Variants in CHD5 observed in about 807,000 individuals in gnomAD.
CHD5 encodes ATP-dependent chromatin remodeler CHD5.
A neutral mutation model predicts 230.3 loss-of-function variants in CHD5; 69 were observed. The observed-to-expected ratio is 0.30, with a 90% CI of 0.25 to 0.37. The LOEUF (loss-of-function observed/expected upper bound fraction) is 0.37, where lower values mean the gene tolerates loss of function less well. CHD5 is among the 10% of genes least tolerant of loss of function. The probability of loss-of-function intolerance (pLI) is 1.00; values close to 1 mark genes in which losing one functional copy is unlikely to be tolerated. For synonymous variants in CHD5, 1,064 were observed against 1,065.9 expected (o/e 1.00, Z 0.03); for missense variants, 1,827 against 2,622.8 (o/e 0.70, Z 6.63).
At chr1:6,175,707 T>TGGATGGATGGATGGAC (rs1354983511) in intron 1 of CHD5, among the ~76,000 whole-genome samples, 1 of 151,284 alleles carries the variant, frequency 6.6e-6, no homozygotes, top group African/African-American at 2.4e-5. Context: ...GATGGATGGA[T>TGGATGGATGGATGGAC]GGACGGACGG....
intron 2 of CHD5, among the ~76,000 whole-genome samples, chr1:6,165,474 G>A (rs922791498): frequency 6.6e-6 from 1 of 152,184 alleles, no homozygotes; most frequent in African/African-American, 2.4e-5. Flanking sequence ...TAAGTCAGAG[G>A]AGGTGGGCAG....
intron 2 of CHD5, among the ~76,000 whole-genome samples, chr1:6,161,159 G>A (rs1337738356): frequency 6.6e-6 from 1 of 151,896 alleles, no homozygotes; most frequent in African/African-American, 2.4e-5. Flanking sequence ...GTGGCAGAAG[G>A]AAAGAGAATG....
At chr1:6,162,724 G>C (rs993009280) in intron 2 of CHD5, among the ~76,000 whole-genome samples, 1 of 152,204 alleles carries the variant, frequency 6.6e-6, no homozygotes. Flanking sequence ...CAGCCAGGAC[G>C]ACAAGCTGGA....
intron 33 of CHD5, among the ~76,000 whole-genome samples, chr1:6,118,854 C>T (rs971289745): frequency 2.0e-5 from 3 of 151,854 alleles, no homozygotes; most frequent in East Asian, 3.9e-4. Flanking sequence ...CCCACCACCA[C>T]GCCCAGCTGA....
intron 2 of CHD5, among the ~76,000 whole-genome samples, chr1:6,162,121 C>T (rs1456246041): frequency 6.6e-6 from 1 of 152,194 alleles, no homozygotes; most frequent in Non-Finnish European, 1.5e-5. Flanking sequence ...GTGACTCACG[C>T]TTGAAATCCC....
intron 31 of CHD5, among the ~76,000 whole-genome samples, chr1:6,122,035 G>A (rs930972284): frequency 3.9e-5 from 6 of 152,244 alleles, no homozygotes; most frequent in Non-Finnish European, 7.3e-5. Context: ...CCCGGGAGGT[G>A]GGCACAGCCG....
rs972305793 is a variant in CHD5 at position 6,130,473 on chromosome 1, G to A, written c.3263-145C>T. The A allele has an allele frequency of 1.3e-5, 10 of 779,132 alleles. No individual in the cohort carries two copies. The African/African-American group carries it at 1.6e-4, about 12-fold the overall frequency. 48.3% of individuals were successfully genotyped at this position (779,132 alleles called of 1,614,324 possible). ...CAAAGCCGGAGACCCCATCAGAGAC[G>A]GGTGGCCACAGCTGCACTCAGGGGA... On this transcript the variant is annotated intron_variant, in intron 21 of 41. Transcript: ENST00000262450. This position sits in a 1 kb window ranked among gnomAD's most constrained non-coding sequence, Gnocchi z 4.9.
In CHD5 at chr1:6,104,062, G is replaced by C. The variant is rs997493412; in HGVS notation, c.*1412C>G. Reference sequence around the variant, plus strand: ...AGGCACCTTCCCTGGGAAGGTCCCAGTACAAGACTCAGAAACGCCTTCCAG... The same window carrying C: ...AGGCACCTTCCCTGGGAAGGTCCCACTACAAGACTCAGAAACGCCTTCCAG... On this transcript the variant is annotated 3_prime_UTR_variant, in exon 42 of 42. Transcript: ENST00000262450. 6.6e-6 allele frequency: 1 copy of C among 152,124 alleles called. No individual in the cohort carries two copies. The highest frequency in any genetic ancestry group is 2.1e-4 in the South Asian group (1 of 4,822). 9.4% of individuals were successfully genotyped at this position (152,124 alleles called of 1,614,324 possible). A position where few individuals can be genotyped will look rare whatever the true frequency, so the allele number is the denominator to read the frequency against.
At chr1:6,163,467 C>T (rs1667208781) in intron 2 of CHD5, among the ~76,000 whole-genome samples, 1 of 152,196 alleles carries the variant, frequency 6.6e-6, no homozygotes, top group Non-Finnish European at 1.5e-5. Context: ...GGTGGGGGTG[C>T]AGGGCAGAAC....
Position 6,134,605 on chromosome 1 carries a change from G to T in CHD5, c.3012+113C>A. 2 of 1,156,564 alleles carry T rather than the reference G, an allele frequency of 1.7e-6. No homozygotes were observed. The highest frequency in any genetic ancestry group is 2.6e-6 in the Non-Finnish European group (2 of 784,096). 71.6% of individuals were successfully genotyped at this position (1,156,564 alleles called of 1,614,324 possible). On this transcript the variant is annotated intron_variant, in intron 19 of 41. Transcript: ENST00000262450. This position sits in a 1 kb window ranked among gnomAD's most constrained non-coding sequence, Gnocchi z 6.3. ...ACCTACCATGACAGCCACAGAAATC[G>T]CCACAATGGCCAGGAGAACCTATCA... is the stretch of plus-strand genomic sequence containing the variant.
intron 2 of CHD5, 62 bp downstream of exon 2, chr1:6,168,088 C>T (rs1279800077): frequency 1.4e-5 from 21 of 1,538,228 alleles, no homozygotes; most frequent in Admixed American, 1.9e-5. Context: ...CCTCTGCGGC[C>T]GGGCAGATGC....
intron 31 of CHD5, among the ~76,000 whole-genome samples, chr1:6,123,736 T>C (rs902188253): frequency 9.2e-5 from 14 of 152,140 alleles, no homozygotes; most frequent in African/African-American, 2.9e-4. Flanking sequence ...GCCAGTTTTT[T>C]AAAAGAGTGA....
chr1:6,152,647 A>G (rs981783174), intron 5 of CHD5, 111 bp from the exon 6 acceptor site: 3 of 1,536,740 alleles, frequency 2.0e-6, no homozygotes, highest in Non-Finnish European at 1.8e-6. Flanking sequence ...CATTTCTACC[A>G]TCACCCCGTT....
rs375577706 is a variant in CHD5 at position 6,148,976 on chromosome 1, C to G, written c.1261G>C (p.Val421Leu). Residue 421 changes from valine (V) to leucine (L), a missense_variant, in exon 9 of 42, where the codon GTG becomes CTG. This residue lies in a region of CHD5 where 657 missense variants were observed against 816.4 expected (regional missense o/e 0.80). Transcript: ENST00000262450. ...EEDDHMEFCRVCKDGGELLCC... is the reference protein window; with the variant it reads ...EEDDHMEFCRLCKDGGELLCC... ...AGCAGCTCGCCCCCGTCCTTGCACA[C>G]GCGGCAGAACTCCATGTGGTCGTCC... The G allele has an allele frequency of 6.2e-7, 1 of 1,607,572 alleles. No homozygotes were observed. The highest frequency in any genetic ancestry group is 1.1e-5 in the South Asian group (1 of 90,522).
intron 1 of CHD5, among the ~76,000 whole-genome samples, chr1:6,174,975 AT>A (rs1667400348): frequency 1.2e-5 from 1 of 85,144 alleles, no homozygotes; most frequent in African/African-American, 1.1e-4. Context: ...TGGATGAAGG[AT>A]GGATGGATGG....
rs2100839638 is a variant in CHD5, at chr1:6,121,349, C to T, written c.4780-112G>A. ...GTCTCCTGGCTCCCGTCGCTTGCTCCTAGCCTGCTCCCCGCCGATTCAGAG... is the reference window on the plus strand; with the variant it reads ...GTCTCCTGGCTCCCGTCGCTTGCTCTTAGCCTGCTCCCCGCCGATTCAGAG... On this transcript the variant is annotated intron_variant, in intron 32 of 41. Coordinates refer to ENST00000262450, the MANE Select transcript of CHD5 (RefSeq NM_015557.3). This position sits in a 1 kb window ranked among gnomAD's most constrained non-coding sequence, Gnocchi z 4.5. The T allele has an allele frequency of 1.3e-6, 2 of 1,512,964 alleles. No homozygotes were observed. Among genetic ancestry groups the T allele is most frequent in the Non-Finnish European group, 1.8e-6 (2 of 1,109,024 alleles). 93.7% of individuals were successfully genotyped at this position (1,512,964 alleles called of 1,614,324 possible). A position where few individuals can be genotyped will look rare whatever the true frequency, so the allele number is the denominator to read the frequency against.
rs1030984837 is a variant in CHD5 at position 6,131,200 on chromosome 1, G to T, written c.3262+431C>A. ...TCGCCTCTCCTTCCCAGGCAGGGAAGACCAAGCATGGGTGACTCTGGGGAA... is the reference window on the plus strand; with the variant it reads ...TCGCCTCTCCTTCCCAGGCAGGGAATACCAAGCATGGGTGACTCTGGGGAA... On this transcript the variant is annotated intron_variant, in intron 21 of 41. Coordinates refer to ENST00000262450, the MANE Select transcript of CHD5 (RefSeq NM_015557.3). The surrounding 1 kb of genome is among the most constrained non-coding windows in gnomAD (Gnocchi z 5.0). 6.6e-6 allele frequency among the ~76,000 whole-genome samples: 1 copy of T among 152,228 alleles called. No homozygotes were observed. Among genetic ancestry groups the T allele is most frequent in the Non-Finnish European group, 1.5e-5 (1 of 68,038 alleles).
In CHD5 at chr1:6,144,047, G is replaced by C. The variant is rs374922037; in HGVS notation, c.1911C>G (p.Leu637=). 7 of 1,614,074 alleles carry C rather than the reference G, an allele frequency of 4.3e-6. No individual in the cohort carries two copies. The Admixed American group carries it at 1.2e-4, about 27-fold the overall frequency. The change falls in exon 12 of 42, where the codon CTC becomes CTG. Residue 637 remains leucine, a synonymous_variant. Transcript: ENST00000262450. ...DDIDIPYYDN[L]KQAYWGHREL... ...ACCTGTGGCCCCAGTAGGCCTGCTT[G>C]AGGTTGTCGTAGTAGGGGATGTCGA...
chr1:6,126,402 C>T lies in CHD5; in HGVS notation c.4078+170G>A, dbSNP rs1666559226. 1.3e-5 allele frequency among the ~76,000 whole-genome samples: 2 copies of T among 150,730 alleles called. 1 individual carries two copies. Among genetic ancestry groups the T allele is most frequent in the South Asian group, 4.3e-4 (2 of 4,702 alleles). ...TGCACAGGGATGCCCTGACAGAATCCTGCCCCACCCTCCGCCTCTGGGTAT... is the reference window on the plus strand; with the variant it reads ...TGCACAGGGATGCCCTGACAGAATCTTGCCCCACCCTCCGCCTCTGGGTAT... On this transcript the variant is annotated intron_variant, in intron 26 of 41. Coordinates refer to ENST00000262450, the MANE Select transcript of CHD5 (RefSeq NM_015557.3). The surrounding 1 kb of genome is among the most constrained non-coding windows in gnomAD (Gnocchi z 5.7).
Sources: allele counts gnomAD v4.1 joint callset (sites outside exome capture counted in the v4.1 genomes callset), GRCh38; gene constraint gnomAD v4.1.1; regional missense constraint gnomAD v4.1.1; non-coding constraint Gnocchi (gnomAD v3.1); transcripts MANE v1.5; gene names NCBI Gene and HGNC (gene_info 2026-07-23, HGNC 2026-07-21).